MTMR6: variants seen among roughly 807,000 people sequenced by gnomAD.
MTMR6 encodes myotubularin related protein 6.
Under a neutral mutation model 80.1 loss-of-function variants are expected in MTMR6, and 47 were observed. The observed-to-expected ratio is 0.59, with a 90% confidence interval of 0.46 to 0.75. MTMR6 has a LOEUF of 0.75. Among genes scored for constraint, MTMR6 ranks in the 30% least tolerant of loss-of-function variants. The probability of loss-of-function intolerance (pLI) is 0.00; values close to 1 mark genes in which losing one functional copy is unlikely to be tolerated. For synonymous variants in MTMR6, 254 were observed against 253.0 expected (o/e 1.00, Z -0.04); for missense variants, 629 against 730.9 (o/e 0.86, Z 1.61).
Position 25,251,559 on chromosome 13 carries a change from A to G in MTMR6, c.1605+90T>C. 8.5e-7 allele frequency: 1 copy of G among 1,172,458 alleles called. No individual in the cohort carries two copies. Among genetic ancestry groups the G allele is most frequent in the Non-Finnish European group, 1.2e-6 (1 of 839,090 alleles). 72.6% of individuals were successfully genotyped at this position (1,172,458 alleles called of 1,614,324 possible). On this transcript the variant is annotated intron_variant, in intron 13 of 13. Transcript: ENST00000381801. The surrounding 1 kb of genome is among the most constrained non-coding windows in gnomAD (Gnocchi z 4.1). The stretch of plus-strand genomic sequence containing the variant: ...AAGAAACTGCTTACTTCAGAAGTTT[A>G]TGTGCTGATTTACACCAACAATACA...
chr13:25,266,177 T>C lies in MTMR6; in HGVS notation c.414A>G (p.Gly138=). 6.2e-7 allele frequency: 1 copy of C among 1,614,152 alleles called. No individual in the cohort carries two copies. The highest frequency in any genetic ancestry group is 8.5e-7 in the Non-Finnish European group (1 of 1,180,030). Residue 138 remains glycine (G), a synonymous_variant, in exon 4 of 14, where the codon GGA becomes GGG. Coordinates refer to ENST00000381801, the MANE Select transcript of MTMR6 (RefSeq NM_004685.5). The stretch of plus-strand genomic sequence containing the variant: ...ACAACTGCCAGTGTGAGTTTGGCAC[T>C]CCCATCCTCTTATATTCCTCAGCGA... ...IDLAEEYKRM[G]VPNSHWQLSD... is the part of the protein sequence containing the mutation.
intron 1 of MTMR6, among the ~76,000 whole-genome samples, chr13:25,275,088 T>C (rs1301458037): frequency 3.3e-5 from 5 of 151,836 alleles, no homozygotes; most frequent in Non-Finnish European, 5.9e-5. Flanking sequence ...CTTTGTGTTA[T>C]TCATCCTTAC....
chr13:25,283,907 T>C (rs1268529664), intron 1 of MTMR6, among the ~76,000 whole-genome samples: 1 of 152,230 alleles, frequency 6.6e-6, no homozygotes, highest in Non-Finnish European at 1.5e-5. Flanking sequence ...AGTAGCTGCA[T>C]GATTCATAAG....
At chr13:25,274,961 T>TACACACACACACAC (rs71077456) in intron 1 of MTMR6, among the ~76,000 whole-genome samples, 8,495 of 104,892 alleles carry the variant, frequency 0.081, 1,280 homozygotes, top group Non-Finnish European at 0.1. Flanking sequence ...CACACACACA[T>TACACACACACACAC]ACACACACAC....
rs146273426 is a variant in MTMR6 at position 25,275,051 on chromosome 13, A to C, written c.25-864T>G. ...GAGAGTGGGACTAGGGCTAACCAGG[A>C]ATGTGCAGGAGGCTACTGCTGGGAA... On this transcript the variant is annotated intron_variant, in intron 1 of 13. Transcript: ENST00000381801. 5.3e-5 allele frequency among the ~76,000 whole-genome samples: 8 copies of C among 149,958 alleles called. No homozygotes were observed. In the East Asian group the frequency reaches 1.6e-3, roughly 30 times the overall value.
intron 1 of MTMR6, among the ~76,000 whole-genome samples, chr13:25,282,785 T>A (rs765714645): frequency 1.3e-5 from 2 of 151,726 alleles, no homozygotes; most frequent in Non-Finnish European, 2.9e-5. Flanking sequence ...TTTTGTATTT[T>A]TAGTAAGACA....
chr13:25,281,834 T>C (rs1192178623), intron 1 of MTMR6, among the ~76,000 whole-genome samples: 3 of 152,202 alleles, frequency 2.0e-5, no homozygotes, highest in African/African-American at 7.2e-5. Flanking sequence ...TCCCAATTTC[T>C]AGAACAGTGT....
intron 2 of MTMR6, among the ~76,000 whole-genome samples, chr13:25,272,988 C>T (rs768052171): frequency 9.9e-5 from 15 of 151,732 alleles, no homozygotes; most frequent in Admixed American, 2.0e-4. Flanking sequence ...CTATTTGTAG[C>T]CCAGAACTTT....
intron 2 of MTMR6, among the ~76,000 whole-genome samples, chr13:25,273,825 T>A (rs1957639187): frequency 6.6e-6 from 1 of 152,122 alleles, no homozygotes; most frequent in South Asian, 2.1e-4. Context: ...GCATCCGGCC[T>A]AGGAACAACA....
At chr13:25,267,645 G>C in intron 3 of MTMR6, 134 bp downstream of exon 3, 1 of 796,202 alleles carries the variant, frequency 1.3e-6, no homozygotes, top group Non-Finnish European at 1.9e-6. Flanking sequence ...GCCAATATGG[G>C]GGAGATAGAG....
rs1310138942 is a variant in MTMR6, at chr13:25,275,862, A to C, written c.25-1675T>G. Among the ~76,000 whole-genome samples, 3 of 126,322 alleles carry C rather than the reference A, an allele frequency of 2.4e-5. 1 individual carries two copies. The highest frequency in any genetic ancestry group is 5.5e-4 in the South Asian group (2 of 3,608). 82.9% of individuals were successfully genotyped at this position (126,322 alleles called of 152,430 possible). On this transcript the variant is annotated intron_variant, in intron 1 of 13. Coordinates refer to ENST00000381801, the MANE Select transcript of MTMR6 (RefSeq NM_004685.5). ...GGCAACAAGAGCGAAACTCCGTCTC[A>C]AAAAAGAAGGGAGGGGAGGGGAGGG...
At chr13:25,284,643 C>T (rs1957920662) in intron 1 of MTMR6, among the ~76,000 whole-genome samples, 2 of 152,118 alleles carry the variant, frequency 1.3e-5, no homozygotes, top group South Asian at 4.1e-4. Flanking sequence ...TAAAACAATC[C>T]ACTTTTGCTT....
At chr13:25,279,932 G>T (rs1260365559) in intron 1 of MTMR6, among the ~76,000 whole-genome samples, 2 of 152,196 alleles carry the variant, frequency 1.3e-5, no homozygotes, top group African/African-American at 4.8e-5. Context: ...AGGAAATATG[G>T]CTTGTAAGAT....
intron 2 of MTMR6, among the ~76,000 whole-genome samples, chr13:25,268,180 A>G (rs1408041270): frequency 2.0e-5 from 3 of 152,130 alleles, no homozygotes; most frequent in Admixed American, 6.5e-5. Context: ...TGCATCTCCT[A>G]CATGTTTCTG....
intron 4 of MTMR6, 73 bp downstream of exon 4, chr13:25,266,056 C>T: frequency 1.3e-6 from 2 of 1,592,272 alleles, no homozygotes; most frequent in South Asian, 2.2e-5. Context: ...ACACAGACAA[C>T]TTGCTACGCT....
rs755809614 is a variant in MTMR6 at position 25,258,701 on chromosome 13, AAAAGTT to A, written c.727-15_727-10del. 2 of 1,448,018 alleles carry A rather than the reference AAAAGTT, an allele frequency of 1.4e-6. No individual in the cohort carries two copies. Among genetic ancestry groups the A allele is most frequent in the South Asian group, 2.9e-5 (2 of 69,146 alleles). 89.7% of individuals were successfully genotyped at this position (1,448,018 alleles called of 1,614,324 possible). A position where few individuals can be genotyped will look rare whatever the true frequency, so the allele number is the denominator to read the frequency against. On this transcript the variant is annotated splice_polypyrimidine_tract_variant and intron_variant, in intron 6 of 13. Transcript: ENST00000381801. ...TTGGCCATTGCATTCAGCTAAAATTAAAAGTTTTAGAAATTTAGAGACAAATTACTT... is the reference window on the plus strand; with the variant it reads ...TTGGCCATTGCATTCAGCTAAAATTATTAGAAATTTAGAGACAAATTACTT...
chr13:25,262,633 C>T (rs1957364836), intron 5 of MTMR6, among the ~76,000 whole-genome samples: 2 of 152,194 alleles, frequency 1.3e-5, no homozygotes, highest in Non-Finnish European at 1.5e-5. Context: ...TCCCAGCATG[C>T]TGGGATTACA....
chr13:25,265,746 A>T, intron 5 of MTMR6, 73 bp downstream of exon 5: 2 of 1,457,742 alleles, frequency 1.4e-6, no homozygotes, highest in Non-Finnish European at 1.9e-6. Context: ...AAAAAAAAAA[A>T]GTGTTATTTT....
chr13:25,254,549 C>A (rs1957154479), intron 9 of MTMR6, 115 bp from the exon 10 acceptor site: 1 of 704,034 alleles, frequency 1.4e-6, no homozygotes, highest in East Asian at 3.1e-5. Flanking sequence ...AACTTATAAA[C>A]AAAACAGCAC....
Sources: gnomAD v4.1 joint callset for allele counts (sites outside exome capture counted in the v4.1 genomes callset) on GRCh38, gnomAD v4.1.1 for gene constraint, Gnocchi (gnomAD v3.1) non-coding constraint, MANE v1.5 for transcripts, NCBI Gene and HGNC (gene_info 2026-07-23, HGNC 2026-07-21) for gene names.